PROX1: variants seen among roughly 807,000 people sequenced by gnomAD.
PROX1 encodes prospero homeobox 1.
Under a neutral mutation model 58.8 loss-of-function variants are expected in PROX1, and 7 were observed. The ratio of observed to expected loss-of-function variants is 0.12; its 90% CI spans 0.07 to 0.22. The LOEUF (loss-of-function observed/expected upper bound fraction) is 0.22, where lower values mean the gene tolerates loss of function less well. Ranked by LOEUF, PROX1 falls within the 10% of genes least tolerant of loss-of-function variation. PROX1 has a pLI of 1.00. For missense variants in PROX1, 675 were observed against 927.8 expected (o/e 0.73, Z 3.54); for synonymous variants, 350 against 358.3 (o/e 0.98, Z 0.26).
intron 1 of PROX1, among the ~76,000 whole-genome samples, chr1:213,992,839 T>A (rs1307945270): frequency 6.6e-6 from 1 of 152,186 alleles, no homozygotes; most frequent in African/African-American, 2.4e-5. Flanking sequence ...TTTATTAAAG[T>A]AGAGCACTTA....
intron 4 of PROX1, among the ~76,000 whole-genome samples, chr1:214,026,854 T>C (rs1664475524): frequency 6.6e-6 from 1 of 152,176 alleles, no homozygotes; most frequent in Admixed American, 6.5e-5. Context: ...CTGTGATGCT[T>C]TTCCATGGAG....
intron 3 of PROX1, among the ~76,000 whole-genome samples, chr1:214,006,653 T>A (rs1056876314): frequency 3.3e-5 from 5 of 152,184 alleles, no homozygotes; most frequent in Non-Finnish European, 7.3e-5. Flanking sequence ...GGTTGAGGAC[T>A]GACCAGCTTC....
At chr1:213,993,432 A>G (rs1377905540) in intron 1 of PROX1, among the ~76,000 whole-genome samples, 1 of 152,240 alleles carries the variant, frequency 6.6e-6, no homozygotes, top group Non-Finnish European at 1.5e-5. Flanking sequence ...AAAAATATCA[A>G]TGATAAAGTC....
chr1:213,996,445 C>A, intron 1 of PROX1, 24 bp from the exon 2 acceptor site: 1 of 1,414,584 alleles, frequency 7.1e-7, no homozygotes. Flanking sequence ...AATGATTCAT[C>A]AGTCCTTTTG....
chr1:214,017,581 A>T (rs1377730835), intron 4 of PROX1, among the ~76,000 whole-genome samples: 1 of 151,728 alleles, frequency 6.6e-6, no homozygotes, highest in African/African-American at 2.4e-5. Context: ...AAAAAAAAAA[A>T]TCGTCCTTGT....
chr1:214,000,025 C>T (rs555080566), intron 2 of PROX1, among the ~76,000 whole-genome samples: 1 of 134,542 alleles, frequency 7.4e-6, no homozygotes, highest in South Asian at 2.2e-4. Flanking sequence ...TGGGTTCTTT[C>T]TGTCTCTCTC....
At chr1:213,988,825 C>G (rs1448495307) in intron 1 of PROX1, 1 of 152,204 alleles carries the variant, frequency 6.6e-6, no homozygotes, top group Admixed American at 6.6e-5. Context: ...TGTCGCTGAT[C>G]TTGTCACCTT....
At chr1:213,991,120 T>A (rs1409565646) in intron 1 of PROX1, among the ~76,000 whole-genome samples, 1 of 152,170 alleles carries the variant, frequency 6.6e-6, no homozygotes, top group East Asian at 1.9e-4. Flanking sequence ...AACTTGTCCA[T>A]GGGTTAAAAC....
chr1:213,991,605 TG>T (rs1663039208), intron 1 of PROX1, among the ~76,000 whole-genome samples: 1 of 152,178 alleles, frequency 6.6e-6, no homozygotes, highest in Non-Finnish European at 1.5e-5. Flanking sequence ...CACCACCTTG[TG>T]GGAAAAAAAA....
At position 214,035,585 on chromosome 1, in the gene PROX1, T is replaced by C. The variant is rs562655439; in HGVS notation, c.2029-64T>C. ...CAAGAATGATCTTAGCTCAGTTTCC[T>C]TGGAATAACTGTAGACTTGAAACTG... On this transcript the variant is annotated intron_variant, in intron 4 of 4. Coordinates refer to ENST00000366958, the MANE Select transcript of PROX1 (RefSeq NM_001270616.2). 1.1e-5 allele frequency: 16 copies of C among 1,484,496 alleles called. No homozygotes were observed. In the South Asian group the frequency reaches 2.1e-4, roughly 20 times the overall value. 92.0% of individuals were successfully genotyped at this position (1,484,496 alleles called of 1,614,324 possible). A position where few individuals can be genotyped will look rare whatever the true frequency, so the allele number is the denominator to read the frequency against.
At chr1:214,013,319 C>T (rs1300908279) in intron 4 of PROX1, among the ~76,000 whole-genome samples, 1 of 152,136 alleles carries the variant, frequency 6.6e-6, no homozygotes, top group Non-Finnish European at 1.5e-5. Flanking sequence ...ATGATTATGG[C>T]TAACCATTTT....
intron 3 of PROX1, among the ~76,000 whole-genome samples, chr1:214,008,365 A>G (rs1167704824): frequency 2.0e-5 from 3 of 152,050 alleles, no homozygotes; most frequent in African/African-American, 7.2e-5. Context: ...CTCATATTTT[A>G]TTTAGTGATC....
chr1:214,000,839 T>C (rs1346818079), intron 2 of PROX1, among the ~76,000 whole-genome samples: 1 of 152,162 alleles, frequency 6.6e-6, no homozygotes. Context: ...TAACTGTTAG[T>C]GTGTAGGCAA....
At chr1:213,990,695 TG>T (rs1663002988) in intron 1 of PROX1, among the ~76,000 whole-genome samples, 1 of 131,264 alleles carries the variant, frequency 7.6e-6, no homozygotes. Context: ...TGTGTGTGTG[TG>T]TGTGTTTGTG....
intron 4 of PROX1, among the ~76,000 whole-genome samples, chr1:214,026,528 G>A (rs1664463628): frequency 6.6e-6 from 1 of 152,186 alleles, no homozygotes; most frequent in Non-Finnish European, 1.5e-5. Flanking sequence ...AATAGAAGAT[G>A]TTAAGACATC....
At chr1:213,986,946 T>G (rs1399998776), upstream of PROX1, among the ~76,000 whole-genome samples, 1 of 152,224 alleles carries the variant, frequency 6.6e-6, no homozygotes, top group Non-Finnish European at 1.5e-5. Flanking sequence ...TTCTAGGGCT[T>G]TATTTTAGAG....
In PROX1 at chr1:214,001,865, TA is replaced by T. The variant is rs543132498; in HGVS notation, c.1726-3288del. Among the ~76,000 whole-genome samples the T allele has an allele frequency of 5.2e-3, 763 of 145,858 alleles. 2 individuals carry two copies. The highest frequency in any genetic ancestry group is 0.014 in the African/African-American group (555 of 39,892). The stretch of plus-strand genomic sequence containing the variant: ...GAAAAAAATTATAAAGTAAGTAAAT[TA>T]AAAAAAAAAAATCCCTACACTACAC... On this transcript the variant is annotated intron_variant, in intron 2 of 4. Transcript: ENST00000366958.
Position 213,997,364 on chromosome 1 carries a change from G to A in PROX1, c.829G>A (p.Asp277Asn). 1.2e-6 allele frequency: 2 copies of A among 1,614,120 alleles called. No homozygotes were observed. The highest frequency in any genetic ancestry group is 1.7e-6 in the Non-Finnish European group (2 of 1,180,030). The part of the protein sequence containing the change: ...ENDEDGNLSE[D>N]SMRSEILDAR... The stretch of plus-strand genomic sequence containing the variant: ...TGATGAAGATGGTAACCTGTCTGAA[G>A]ACAGCATGCGCTCGGAGATCCTGGA... Residue 277 changes from aspartate to asparagine, a missense_variant, in exon 2 of 5, where the codon GAC becomes AAC. Asp to Asn is a conservative substitution (Grantham distance 23). Coordinates refer to ENST00000366958, the MANE Select transcript of PROX1 (RefSeq NM_001270616.2). The surrounding 1 kb of genome is among the most constrained non-coding windows in gnomAD (Gnocchi z 7.1).
intron 1 of PROX1, among the ~76,000 whole-genome samples, chr1:213,992,283 TA>T (rs1663065084): frequency 6.6e-6 from 1 of 152,174 alleles, no homozygotes; most frequent in Non-Finnish European, 1.5e-5. Context: ...CAATCTTAGT[TA>T]ATTTAGGTAT....
Sources: gnomAD v4.1 joint callset for allele counts (sites outside exome capture counted in the v4.1 genomes callset) on GRCh38, gnomAD v4.1.1 for gene constraint, Gnocchi (gnomAD v3.1) non-coding constraint, MANE v1.5 for transcripts, NCBI Gene and HGNC (gene_info 2026-07-23, HGNC 2026-07-21) for gene names.